Variants in PABPC1L observed in about 807,000 individuals in gnomAD.
PABPC1L encodes poly(A) binding protein cytoplasmic 1 like.
In PABPC1L, 31 loss-of-function variants were observed where a neutral mutation model predicts 66.6. That is an observed-to-expected ratio of 0.47 (90% CI 0.35 to 0.63). The LOEUF is 0.63. Among genes scored for constraint, PABPC1L ranks in the 20% least tolerant of loss-of-function variants. PABPC1L has a pLI of 0.00. For synonymous variants in PABPC1L, 348 were observed against 335.1 expected (o/e 1.04, Z -0.42); for missense variants, 722 against 848.8 (o/e 0.85, Z 1.86).
intron 6 of PABPC1L, 54 bp downstream of exon 6, chr20:44,921,785 CG>C: frequency 1.2e-6 from 2 of 1,604,104 alleles, no homozygotes. Context: ...AGCTGTGTGT[CG>C]GGGGCCCTGA....
intron 10 of PABPC1L, among the ~76,000 whole-genome samples, chr20:44,934,321 T>C (rs148883978): frequency 2.6e-4 from 39 of 152,328 alleles, no homozygotes; most frequent in African/African-American, 8.9e-4. Flanking sequence ...TTTATTGTGG[T>C]AAAATACACA....
chr20:44,935,325 G>T lies in PABPC1L; in HGVS notation c.1460-66G>T, dbSNP rs945998805. 6 of 1,215,032 alleles carry T rather than the reference G, an allele frequency of 4.9e-6. No individual in the cohort carries two copies. The Admixed American group carries it at 9.1e-5, about 18-fold the overall frequency. 75.3% of individuals were successfully genotyped at this position (1,215,032 alleles called of 1,614,324 possible). On this transcript the variant is annotated intron_variant, in intron 10 of 14. Coordinates refer to ENST00000217073, the MANE Select transcript of PABPC1L (RefSeq NM_001372179.1). ...TTCTGTTTTGGTGTTGTTTTGTTTT[G>T]TTTTGTTTTTGGATAGCAGCTATTT...
intron 5 of PABPC1L, among the ~76,000 whole-genome samples, chr20:44,921,266 A>G (rs2066771292): frequency 6.6e-6 from 1 of 151,316 alleles, no homozygotes; most frequent in Non-Finnish European, 1.5e-5. Context: ...CTCCTGCCTC[A>G]GCCTCCCGAG....
At chr20:44,922,135 T>C (rs549575869) in intron 6 of PABPC1L, among the ~76,000 whole-genome samples, 1 of 152,314 alleles carries the variant, frequency 6.6e-6, no homozygotes, top group Non-Finnish European at 1.5e-5. Flanking sequence ...CATCCAAAAG[T>C]TGGAATGTTG....
intron 6 of PABPC1L, 150 bp downstream of exon 6, chr20:44,921,881 C>T (rs1174752611): frequency 1.7e-6 from 2 of 1,186,426 alleles, no homozygotes; most frequent in South Asian, 2.9e-5. Context: ...GCCCCCACTG[C>T]CTAATGTATA....
At chr20:44,921,871 G>T in intron 6 of PABPC1L, 140 bp downstream of exon 6, 1 of 1,236,156 alleles carries the variant, frequency 8.1e-7, no homozygotes, top group Non-Finnish European at 1.1e-6. Context: ...GCATGGGATG[G>T]CCCCCACTGC....
At chr20:44,923,858 T>G (rs937092333) in intron 6 of PABPC1L, among the ~76,000 whole-genome samples, 10 of 152,122 alleles carry the variant, frequency 6.6e-5, no homozygotes, top group Non-Finnish European at 2.9e-5. Flanking sequence ...CACCTCAGCC[T>G]GCCACGGGAC....
chr20:44,917,719 G>A (rs1010340930), intron 3 of PABPC1L, among the ~76,000 whole-genome samples: 20 of 152,070 alleles, frequency 1.3e-4, no homozygotes, highest in African/African-American at 4.8e-4. Context: ...CATGGTCAGG[G>A]CCATGGAGAG....
chr20:44,919,292 A>G lies in PABPC1L; in HGVS notation c.738+15A>G. 2 of 1,613,354 alleles carry G rather than the reference A, an allele frequency of 1.2e-6. No individual in the cohort carries two copies. The highest frequency in any genetic ancestry group is 1.7e-6 in the Non-Finnish European group (2 of 1,179,436). On this transcript the variant is annotated intron_variant, in intron 5 of 14. Coordinates refer to ENST00000217073, the MANE Select transcript of PABPC1L (RefSeq NM_001372179.1). ...AAGCCCAGAAGGTAGGAGCCTCCCCATGGCTCTGTTCTGCAGCAGGGGGAC... is the reference window on the plus strand; with the variant it reads ...AAGCCCAGAAGGTAGGAGCCTCCCCGTGGCTCTGTTCTGCAGCAGGGGGAC...
intron 13 of PABPC1L, 90 bp downstream of exon 13, chr20:44,938,281 T>C: frequency 1.3e-6 from 2 of 1,482,114 alleles, no homozygotes; most frequent in South Asian, 2.7e-5. Context: ...TGGATAGCTG[T>C]TTGGCCAGAT....
intron 2 of PABPC1L, among the ~76,000 whole-genome samples, chr20:44,913,532 T>C (rs1012130548): frequency 1.3e-5 from 2 of 152,090 alleles, no homozygotes; most frequent in African/African-American, 4.8e-5. Context: ...ACGATTCTCC[T>C]GCCTCAGCCT....
chr20:44,937,999 GC>G (rs1281681539), intron 12 of PABPC1L, 61 bp from the exon 13 acceptor site: 1 of 1,608,926 alleles, frequency 6.2e-7, no homozygotes, highest in African/African-American at 1.3e-5. Flanking sequence ...CTCCATACGA[GC>G]CCTGGGATGC....
At chr20:44,934,003 C>T (rs1320221922) in intron 10 of PABPC1L, among the ~76,000 whole-genome samples, 3 of 152,126 alleles carry the variant, frequency 2.0e-5, no homozygotes, top group East Asian at 1.9e-4. Context: ...CCACCAGCCT[C>T]GGCCTCCCAA....
At position 44,930,660 on chromosome 20, in the gene PABPC1L, C is replaced by A. The variant is rs1254204117; in HGVS notation, c.1173C>A (p.Thr391=). 1 of 1,614,092 alleles carries A rather than the reference C, an allele frequency of 6.2e-7. No homozygotes were observed. The highest frequency in any genetic ancestry group is 8.5e-7 in the Non-Finnish European group (1 of 1,180,054). ...TGCAGCGCCTCTCCACCATGCGGAC[C>A]CTGAGCAACCCCCTCCTGGGCTCCT... ...QYMQRLSTMR[T]LSNPLLGSFQ... The change falls in exon 8 of 15, where the codon ACC becomes ACA. Residue 391 remains threonine, a synonymous_variant. Transcript: ENST00000217073.
rs2066695490 is a variant in PABPC1L, at chr20:44,910,351, T to C, written c.193+15T>C. The stretch of plus-strand genomic sequence containing the variant: ...GCCCGCGGACGGTGAGCCCCGGGGA[T>C]GGGGCGGGAGGGGAAGGACCGACGG... On this transcript the variant is annotated intron_variant, in intron 1 of 14. Transcript: ENST00000217073. 1.3e-6 allele frequency: 2 copies of C among 1,487,452 alleles called. No homozygotes were observed. The highest frequency in any genetic ancestry group is 1.8e-6 in the Non-Finnish European group (2 of 1,110,968). The allele number at this position is 1,487,452 out of a possible 1,614,324, so 92.1% of individuals were successfully genotyped here. A position where few individuals can be genotyped will look rare whatever the true frequency, so the allele number is the denominator to read the frequency against.
At chr20:44,923,601 C>A (rs1601114083) in intron 6 of PABPC1L, among the ~76,000 whole-genome samples, 1 of 151,932 alleles carries the variant, frequency 6.6e-6, no homozygotes, top group East Asian at 1.9e-4. Flanking sequence ...TGCACTCCAG[C>A]CTAGGCAACA....
chr20:44,930,312 A>T (rs1440685735), intron 7 of PABPC1L, 148 bp from the exon 8 acceptor site: 9 of 1,130,676 alleles, frequency 8.0e-6, no homozygotes, highest in Non-Finnish European at 1.0e-5. Context: ...ACAGCTTAGT[A>T]AACAGGGGTG....
chr20:44,919,452 C>T (rs1321883438), intron 5 of PABPC1L, among the ~76,000 whole-genome samples, 175 bp downstream of exon 5: 1 of 152,222 alleles, frequency 6.6e-6, no homozygotes, highest in Non-Finnish European at 1.5e-5. Flanking sequence ...CCAAGGGCTT[C>T]ATTCTTTGGT....
intron 2 of PABPC1L, among the ~76,000 whole-genome samples, chr20:44,914,268 G>A (rs951363535): frequency 4.7e-5 from 7 of 148,096 alleles, no homozygotes; most frequent in African/African-American, 7.6e-5. Flanking sequence ...GTGCAGTGGC[G>A]CGATCTCAGC....
Sources: allele counts gnomAD v4.1 joint callset (sites outside exome capture counted in the v4.1 genomes callset), GRCh38; gene constraint gnomAD v4.1.1; transcripts MANE v1.5; gene names NCBI Gene and HGNC (gene_info 2026-07-23, HGNC 2026-07-21).